Variants in RARB observed in about 807,000 individuals in gnomAD.
The protein encoded by RARB is retinoic acid receptor beta, also known as HBV-activated protein.
A neutral mutation model predicts 51.9 loss-of-function variants in RARB; 17 were observed. The observed-to-expected ratio is 0.33, with a 90% CI of 0.22 to 0.49. The LOEUF is 0.49. Ranked by LOEUF, RARB falls within the 20% of genes least tolerant of loss-of-function variation. The probability of loss-of-function intolerance (pLI) is 0.99; values close to 1 mark genes in which losing one functional copy is unlikely to be tolerated. For synonymous variants in RARB, 215 were observed against 195.4 expected (o/e 1.10, Z -0.84); for missense variants, 369 against 550.8 (o/e 0.67, Z 3.30).
intron 3 of RARB, among the ~76,000 whole-genome samples, chr3:25,081,348 T>C (rs1480624550): frequency 1.3e-5 from 2 of 151,652 alleles, no homozygotes; most frequent in Non-Finnish European, 2.9e-5. Flanking sequence ...GTGTATCTCA[T>C]GGTGAATGCT....
intron 1 of RARB, among the ~76,000 whole-genome samples, chr3:25,445,703 A>G (rs1708900491): frequency 6.6e-6 from 1 of 152,112 alleles, no homozygotes; most frequent in Non-Finnish European, 1.5e-5. Flanking sequence ...GAGCAATAAT[A>G]ATTGCCTCTC....
At chr3:25,266,096 TA>T (rs1218759308) in intron 5 of RARB, among the ~76,000 whole-genome samples, 1 of 152,166 alleles carries the variant, frequency 6.6e-6, no homozygotes, top group African/African-American at 2.4e-5. Context: ...AATTCACTCT[TA>T]AGTTCAGCTG....
intron 5 of RARB, among the ~76,000 whole-genome samples, chr3:25,361,759 G>A (rs1705943029): frequency 6.6e-6 from 1 of 152,188 alleles, no homozygotes; most frequent in Admixed American, 6.5e-5. Flanking sequence ...GTCTGCTGGA[G>A]TTTGCTGGGG....
chr3:24,994,319 G>T (rs201548540), intron 2 of RARB, among the ~76,000 whole-genome samples: 1 of 151,806 alleles, frequency 6.6e-6, no homozygotes, highest in African/African-American at 2.4e-5. Context: ...AGAAATGTTC[G>T]GATTACGTGC....
At chr3:25,180,102 T>C (rs373264614) in intron 5 of RARB, among the ~76,000 whole-genome samples, 57 of 152,264 alleles carry the variant, frequency 3.7e-4, no homozygotes, top group African/African-American at 1.3e-3. Context: ...TGGAAGTATG[T>C]CCCTAAGTAG....
chr3:25,345,403 A>C (rs1705358288), intron 5 of RARB, among the ~76,000 whole-genome samples: 1 of 152,170 alleles, frequency 6.6e-6, no homozygotes, highest in African/African-American at 2.4e-5. Flanking sequence ...ATGGTGGCTC[A>C]CGCCTGTAAT....
At chr3:25,194,159 A>C (rs1052316033) in intron 5 of RARB, among the ~76,000 whole-genome samples, 2 of 151,896 alleles carry the variant, frequency 1.3e-5, no homozygotes, top group African/African-American at 4.8e-5. Context: ...CAGACATAGA[A>C]AAATACTTCA....
intron 5 of RARB, among the ~76,000 whole-genome samples, chr3:25,331,171 A>G (rs1704883195): frequency 6.6e-6 from 1 of 152,220 alleles, no homozygotes; most frequent in East Asian, 1.9e-4. Context: ...TGCACCAAGC[A>G]GACCTAATAA....
chr3:24,952,514 C>T (rs924000471), intron 2 of RARB, among the ~76,000 whole-genome samples: 3 of 152,152 alleles, frequency 2.0e-5, no homozygotes, highest in African/African-American at 7.2e-5. Flanking sequence ...AACTGCTTAC[C>T]ATGACTTAAC....
At position 25,339,961 on chromosome 3, in the gene RARB, G is replaced by A. The variant is rs966355216; in HGVS notation, c.179-121232G>A. 1.2e-4 allele frequency among the ~76,000 whole-genome samples: 19 copies of A among 152,264 alleles called. No homozygotes were observed. In the East Asian group the frequency reaches 3.7e-3, roughly 29 times the overall value. The stretch of plus-strand genomic sequence containing the variant: ...AAAAATAAGTAAGAGGCCTACTGTG[G>A]AGGTGACCCAAGTTTGAGCCATGCA... On this transcript the variant is annotated intron_variant, in intron 5 of 11. Coordinates refer to the RARB transcript ENST00000383772.
At chr3:25,515,548 GA>G (rs1246082257) in intron 3 of RARB, among the ~76,000 whole-genome samples, 1 of 152,206 alleles carries the variant, frequency 6.6e-6, no homozygotes, top group East Asian at 1.9e-4. Context: ...GTCAACAGTA[GA>G]ATGTGTAAAT....
At chr3:24,829,918 G>C (rs1702257849) in intron 1 of RARB, among the ~76,000 whole-genome samples, 1 of 152,342 alleles carries the variant, frequency 6.6e-6, no homozygotes, top group East Asian at 1.9e-4. Context: ...CCCCTGTGGG[G>C]ATCTAAGCTC....
Position 25,227,428 on chromosome 3 carries a change from C to T in RARB, c.178+52853C>T, listed in dbSNP as rs557514148. On this transcript the variant is annotated intron_variant, in intron 5 of 11. Transcript: ENST00000383772. ...CTCTTTTTTTGCTAATTGTATCTTC[C>T]CCCACTCTGCCAAAATTCACAATTG... Among the ~76,000 whole-genome samples the T allele has an allele frequency of 3.9e-5, 6 of 152,114 alleles. No homozygotes were observed. The South Asian group carries it at 1.2e-3, about 32-fold the overall frequency.
chr3:25,473,627 A>C (rs1695809345), intron 2 of RARB, among the ~76,000 whole-genome samples: 1 of 152,186 alleles, frequency 6.6e-6, no homozygotes, highest in Admixed American at 6.5e-5. Flanking sequence ...CAAACTTGTC[A>C]GTACAGTCAA....
intron 3 of RARB, among the ~76,000 whole-genome samples, chr3:25,093,022 A>G (rs1467754369): frequency 2.0e-5 from 3 of 152,178 alleles, no homozygotes; most frequent in African/African-American, 7.2e-5. Flanking sequence ...CCCTACTTAG[A>G]GCACAGGTGT....
intron 5 of RARB, among the ~76,000 whole-genome samples, chr3:25,420,243 C>G (rs1027100800): frequency 5.9e-5 from 9 of 152,224 alleles, no homozygotes; most frequent in African/African-American, 2.2e-4. Flanking sequence ...TTTTCTCTGT[C>G]AGACACTAGG....
At chr3:25,360,233 C>T (rs1472432172) in intron 5 of RARB, among the ~76,000 whole-genome samples, 3 of 152,116 alleles carry the variant, frequency 2.0e-5, no homozygotes, top group Admixed American at 1.3e-4. Flanking sequence ...TATGTAATGG[C>T]CTTCTTTGTC....
chr3:25,044,992 T>C (rs1395308717), intron 2 of RARB, among the ~76,000 whole-genome samples: 2 of 152,206 alleles, frequency 1.3e-5, no homozygotes, highest in Non-Finnish European at 2.9e-5. Context: ...CGGCATTTTT[T>C]TGTTCTACTT....
chr3:25,167,774 AG>A (rs565424940), intron 4 of RARB, among the ~76,000 whole-genome samples: 119 of 152,342 alleles, frequency 7.8e-4, no homozygotes, highest in African/African-American at 2.7e-3. Context: ...AACTGGAGGA[AG>A]ATGTGAAAGG....
Sources: gnomAD v4.1 joint callset for allele counts (sites outside exome capture counted in the v4.1 genomes callset) on GRCh38, gnomAD v4.1.1 for gene constraint, MANE v1.5 for transcripts, NCBI Gene and HGNC (gene_info 2026-07-23, HGNC 2026-07-21) for gene names.